Variants in DPP10 observed in about 807,000 individuals in gnomAD.
The protein encoded by DPP10 is dipeptidyl peptidase like 10.
In DPP10, 33 loss-of-function variants were observed where a neutral mutation model predicts 120.9. The ratio of observed to expected loss-of-function variants is 0.27; its 90% CI spans 0.21 to 0.37. DPP10 has a LOEUF of 0.37. DPP10 is among the 10% of genes least tolerant of loss of function. DPP10 has a pLI of 1.00. For synonymous variants in DPP10, 337 were observed against 326.1 expected, an observed-to-expected ratio of 1.03 and a Z score of -0.36; for missense variants, 816 against 942.8, an observed-to-expected ratio of 0.87 and a Z score of 1.76.
At chr2:114,462,335 T>C (rs1678995061) in intron 1 of DPP10, among the ~76,000 whole-genome samples, 1 of 152,188 alleles carries the variant, frequency 6.6e-6, no homozygotes. Context: ...TTTATTTAAC[T>C]TTATTACTTT....
chr2:115,664,413 A>C (rs2089274029), intron 5 of DPP10, among the ~76,000 whole-genome samples: 1 of 152,124 alleles, frequency 6.6e-6, no homozygotes, highest in Admixed American at 6.6e-5. Flanking sequence ...TAAGGTCCTG[A>C]ATTTTATTAT....
At chr2:115,214,792 A>G (rs570730220) in intron 1 of DPP10, among the ~76,000 whole-genome samples, 10 of 152,182 alleles carry the variant, frequency 6.6e-5, no homozygotes, top group Non-Finnish European at 8.8e-5. Flanking sequence ...TGGCATTCCC[A>G]TACCTCTCTT....
chr2:115,646,179 C>G (rs2087239684), intron 5 of DPP10, among the ~76,000 whole-genome samples: 1 of 152,154 alleles, frequency 6.6e-6, no homozygotes, highest in African/African-American at 2.4e-5. Context: ...CAGAGAGTGA[C>G]TAGTGCTTAC....
In DPP10 at chr2:115,381,146, A is replaced by G. The variant is rs547304464; in HGVS notation, c.271+37234A>G. Among the ~76,000 whole-genome samples the G allele has an allele frequency of 2.0e-3, 298 of 152,084 alleles. 1 individual carries two copies. The highest frequency in any genetic ancestry group is 6.4e-3 in the African/African-American group (266 of 41,494). Reference sequence around the variant, plus strand: ...TCTCCTGGATAATATCCTGCAGAGTATTTTCCAACTTGGTTCCATTCTCCC... The same window carrying G: ...TCTCCTGGATAATATCCTGCAGAGTGTTTTCCAACTTGGTTCCATTCTCCC... On this transcript the variant is annotated intron_variant, in intron 3 of 25. Transcript: ENST00000410059.
chr2:114,575,626 CT>C (rs1185709331), intron 1 of DPP10, among the ~76,000 whole-genome samples: 6 of 152,170 alleles, frequency 3.9e-5, no homozygotes, highest in East Asian at 1.9e-4. Flanking sequence ...AACTATTCAC[CT>C]TTTTTTGATT....
intron 5 of DPP10, among the ~76,000 whole-genome samples, chr2:115,641,348 A>T (rs1364563036): frequency 6.6e-6 from 1 of 152,156 alleles, no homozygotes; most frequent in Non-Finnish European, 1.5e-5. Context: ...CTGTTTTCCC[A>T]GTGTCATCTC....
intron 2 of DPP10, among the ~76,000 whole-genome samples, chr2:115,318,574 G>T (rs13005522): frequency 0.027 from 4,138 of 151,878 alleles, 71 homozygotes; most frequent in South Asian, 0.06. Context: ...TTTTCATTCT[G>T]GAAATAATTT....
At chr2:115,341,250 G>GT (rs535143139) in intron 2 of DPP10, among the ~76,000 whole-genome samples, 97 of 151,716 alleles carry the variant, frequency 6.4e-4, no homozygotes, top group East Asian at 2.9e-3. Context: ...AATACCCAGG[G>GT]TTTTTTTAAT....
chr2:114,579,964 C>G (rs1690367018), intron 1 of DPP10, among the ~76,000 whole-genome samples: 1 of 152,116 alleles, frequency 6.6e-6, no homozygotes. Context: ...TTGTGAAAGC[C>G]TTTCATTAAC....
At chr2:115,133,433 C>A (rs969523984) in intron 1 of DPP10, among the ~76,000 whole-genome samples, 3 of 151,786 alleles carry the variant, frequency 2.0e-5, no homozygotes, top group Non-Finnish European at 4.4e-5. Flanking sequence ...TATTCATGGG[C>A]ATTTAGATAA....
rs146678121 is a variant in DPP10 at position 114,544,565 on chromosome 2, AT to A, written c.60+101728del. Among the ~76,000 whole-genome samples the A allele has an allele frequency of 3.5e-4, 53 of 152,294 alleles. No individual in the cohort carries two copies. In the East Asian group the frequency reaches 9.3e-3, roughly 27 times the overall value. On this transcript the variant is annotated intron_variant, in intron 1 of 25. Transcript: ENST00000410059. The stretch of plus-strand genomic sequence containing the variant: ...GCTTCTCTTTGTCAGCATTTGTTAA[AT>A]GGCCTTTTGTAGAGTATAGACCACT...
At chr2:115,333,444 G>A (rs1574461204) in intron 2 of DPP10, among the ~76,000 whole-genome samples, 1 of 152,100 alleles carries the variant, frequency 6.6e-6, no homozygotes. Context: ...ATATTGTTAT[G>A]TGTGAATTTG....
intron 3 of DPP10, among the ~76,000 whole-genome samples, chr2:115,482,948 A>G (rs183790243): frequency 4.6e-5 from 7 of 152,212 alleles, no homozygotes; most frequent in Admixed American, 1.3e-4. Context: ...AAATGGGAAT[A>G]CTTAGACACT....
chr2:114,508,975 C>T lies in DPP10; in HGVS notation c.60+66137C>T, dbSNP rs115932864. On this transcript the variant is annotated intron_variant, in intron 1 of 25. Transcript: ENST00000410059. ...CAATTTGAGTCGAATACCAAGACAA[C>T]CGACATCTCCAGTGTGAGGAAAGAG... Among the ~76,000 whole-genome samples the T allele has an allele frequency of 3.3e-3, 496 of 151,730 alleles. 3 individuals are homozygous for T. Among genetic ancestry groups the T allele is most frequent in the African/African-American group, 0.011 (458 of 41,324 alleles).
At chr2:114,528,550 G>A (rs1685698056) in intron 1 of DPP10, among the ~76,000 whole-genome samples, 1 of 151,790 alleles carries the variant, frequency 6.6e-6, no homozygotes, top group South Asian at 2.1e-4. Flanking sequence ...TATAACTGAT[G>A]CCTTGGATTT....
chr2:115,090,167 G>A (rs1406374784), intron 1 of DPP10, among the ~76,000 whole-genome samples: 1 of 151,520 alleles, frequency 6.6e-6, no homozygotes. Flanking sequence ...TTTGACAAAT[G>A]TTCACATCTT....
chr2:114,586,183 C>G (rs562026977), intron 1 of DPP10, among the ~76,000 whole-genome samples: 1 of 152,036 alleles, frequency 6.6e-6, no homozygotes, highest in African/African-American at 2.4e-5. Context: ...CTGGGGAGGT[C>G]GAGGCTCCAG....
chr2:115,207,111 A>C (rs1470032145), intron 1 of DPP10, among the ~76,000 whole-genome samples: 1 of 152,158 alleles, frequency 6.6e-6, no homozygotes, highest in East Asian at 1.9e-4. Context: ...TTTTAACTAG[A>C]CCAAACGATG....
chr2:115,620,010 C>T (rs748146018), intron 5 of DPP10, among the ~76,000 whole-genome samples: 7 of 152,206 alleles, frequency 4.6e-5, no homozygotes, highest in Non-Finnish European at 7.3e-5. Context: ...TATCTCATTT[C>T]ATACGTAGTA....
Sources: allele counts gnomAD v4.1 joint callset (sites outside exome capture counted in the v4.1 genomes callset), GRCh38; gene constraint gnomAD v4.1.1; transcripts MANE v1.5; gene names NCBI Gene and HGNC (gene_info 2026-07-23, HGNC 2026-07-21).